The following ROCK2 variants were observed in gnomAD, a reference collection of about 807,000 sequenced individuals.
The protein encoded by ROCK2 is rho-associated protein kinase 2.
Under a neutral mutation model 195.1 loss-of-function variants are expected in ROCK2, and 61 were observed. That is an observed-to-expected ratio of 0.31 (90% CI 0.25 to 0.39). The LOEUF is 0.39. Ranked by LOEUF, ROCK2 falls within the 10% of genes least tolerant of loss-of-function variation. The probability of loss-of-function intolerance (pLI) is 1.00; values close to 1 mark genes in which losing one functional copy is unlikely to be tolerated. For synonymous variants in ROCK2, 504 were observed against 545.5 expected (o/e 0.92, Z 1.06); for missense variants, 1,109 against 1,637.4 (o/e 0.68, Z 5.57).
chr2:11,311,466 G>T (rs1320407942), intron 1 of ROCK2, among the ~76,000 whole-genome samples: 1 of 152,072 alleles, frequency 6.6e-6, no homozygotes, highest in Non-Finnish European at 1.5e-5. Context: ...AGAAGAAAAA[G>T]TCCAGGGTTT....
intron 1 of ROCK2, among the ~76,000 whole-genome samples, chr2:11,338,061 T>C (rs760251915): frequency 6.6e-6 from 1 of 152,324 alleles, no homozygotes; most frequent in East Asian, 1.9e-4. Context: ...AGAGCCAAAG[T>C]AGGCTGGGTG....
chr2:11,235,445 C>G lies in ROCK2; in HGVS notation c.723+257G>C, dbSNP rs981519922. Reference sequence around the variant, plus strand: ...GTTTTGATTGGTAGCAAATGCTTGTCAACAGTCTATGAGGAAGATAACTAA... The same window carrying G: ...GTTTTGATTGGTAGCAAATGCTTGTGAACAGTCTATGAGGAAGATAACTAA... On this transcript the variant is annotated intron_variant, in intron 5 of 32. Transcript: ENST00000315872. This position sits in a 1 kb window ranked among gnomAD's most constrained non-coding sequence, Gnocchi z 4.2. Among the ~76,000 whole-genome samples, 1 of 152,072 alleles carries G rather than the reference C, an allele frequency of 6.6e-6. No homozygotes were observed. Among genetic ancestry groups the G allele is most frequent in the Non-Finnish European group, 1.5e-5 (1 of 67,992 alleles).
chr2:11,226,913 A>G (rs1199811258), intron 6 of ROCK2, among the ~76,000 whole-genome samples: 10 of 9,094 alleles, frequency 1.1e-3, no homozygotes, highest in African/African-American at 1.4e-3. Context: ...CCTGCCTCAG[A>G]AAAAAAAAAA....
intron 1 of ROCK2, among the ~76,000 whole-genome samples, chr2:11,317,589 T>A (rs1235465328): frequency 2.3e-4 from 3 of 13,300 alleles, no homozygotes; most frequent in African/African-American, 7.3e-4. Flanking sequence ...TATATATATA[T>A]ATATATATAT....
At chr2:11,271,756 G>A (rs886525592) in intron 3 of ROCK2, among the ~76,000 whole-genome samples, 3 of 152,152 alleles carry the variant, frequency 2.0e-5, no homozygotes, top group Non-Finnish European at 2.9e-5. Context: ...GGCTGGGCGC[G>A]GTGGCTCACG....
intron 1 of ROCK2, among the ~76,000 whole-genome samples, chr2:11,312,097 T>C (rs1302767760): frequency 6.6e-6 from 1 of 152,210 alleles, no homozygotes; most frequent in Non-Finnish European, 1.5e-5. Context: ...CTCTTCTCAC[T>C]AAACTTTTTG....
intron 3 of ROCK2, among the ~76,000 whole-genome samples, chr2:11,270,959 T>C (rs539336170): frequency 6.6e-6 from 1 of 152,348 alleles, no homozygotes; most frequent in East Asian, 1.9e-4. Context: ...TCTTTAGTAA[T>C]ATAAGGTGTA....
chr2:11,238,209 A>AGTGCGTGTGTGTGTGT (rs1665285893), intron 4 of ROCK2, among the ~76,000 whole-genome samples: 1 of 135,266 alleles, frequency 7.4e-6, no homozygotes, highest in African/African-American at 2.9e-5. Context: ...ATTGAGAAAG[A>AGTGCGTGTGTGTGTGT]GTGTGTGTGT....
chr2:11,211,626 C>T (rs2148059918), intron 18 of ROCK2, 55 bp downstream of exon 18: 1 of 1,461,064 alleles, frequency 6.8e-7, no homozygotes, highest in Middle Eastern at 1.8e-4. Flanking sequence ...AAAGCTAACA[C>T]AGAATCAATT....
At chr2:11,282,854 A>C (rs1463889053) in intron 3 of ROCK2, among the ~76,000 whole-genome samples, 1 of 152,136 alleles carries the variant, frequency 6.6e-6, no homozygotes, top group Admixed American at 6.5e-5. Flanking sequence ...CACCCACCTG[A>C]CAAAGGTCTA....
intron 18 of ROCK2, among the ~76,000 whole-genome samples, chr2:11,210,852 A>T (rs1473901097): frequency 1.3e-5 from 2 of 152,198 alleles, no homozygotes; most frequent in Non-Finnish European, 2.9e-5. Context: ...ATTTCTTATC[A>T]TCCTGATTTA....
chr2:11,211,534 T>C (rs558120234), intron 18 of ROCK2, 147 bp downstream of exon 18: 15 of 675,360 alleles, frequency 2.2e-5, no homozygotes, highest in Admixed American at 1.3e-4. Flanking sequence ...AGAATATCTA[T>C]GTAAAGCTTC....
chr2:11,230,419 T>A (rs542904413), intron 5 of ROCK2, among the ~76,000 whole-genome samples: 88 of 152,320 alleles, frequency 5.8e-4, no homozygotes, highest in African/African-American at 1.8e-3. Context: ...CCAGGCAGAT[T>A]TTTAGACAGC....
chr2:11,277,544 T>C lies in ROCK2; in HGVS notation c.324+8995A>G, dbSNP rs189679799. On this transcript the variant is annotated intron_variant, in intron 3 of 32. Transcript: ENST00000315872. ...TCATTCTTATGCCTTTGCGTACTCATAGTTTGGCTCCCACATATCAGTGAG... is the reference window on the plus strand; with the variant it reads ...TCATTCTTATGCCTTTGCGTACTCACAGTTTGGCTCCCACATATCAGTGAG... 1.2e-4 allele frequency among the ~76,000 whole-genome samples: 19 copies of C among 152,318 alleles called. No individual in the cohort carries two copies. In the East Asian group the frequency reaches 2.7e-3, roughly 22 times the overall value.
intron 1 of ROCK2, among the ~76,000 whole-genome samples, chr2:11,330,753 A>AG (rs1668699666): frequency 2.0e-5 from 1 of 50,884 alleles, no homozygotes; most frequent in Non-Finnish European, 4.3e-5. Flanking sequence ...AGGAGGGAGG[A>AG]GGAGGAGGGA....
At chr2:11,206,470 C>T (rs1486400723) in intron 20 of ROCK2, among the ~76,000 whole-genome samples, 1 of 152,038 alleles carries the variant, frequency 6.6e-6, no homozygotes, top group Non-Finnish European at 1.5e-5. Flanking sequence ...AAAAAACCCA[C>T]AAAAAACACA....
chr2:11,264,577 T>C (rs1006534029), intron 3 of ROCK2, among the ~76,000 whole-genome samples: 2 of 152,160 alleles, frequency 1.3e-5, no homozygotes, highest in South Asian at 2.1e-4. Flanking sequence ...TTCATGAAGA[T>C]GTCAAATAAG....
At chr2:11,195,057 A>T (rs763071882) in intron 27 of ROCK2, 32 bp from the exon 28 acceptor site, 1 of 1,217,034 alleles carries the variant, frequency 8.2e-7, no homozygotes, top group Non-Finnish European at 1.2e-6. Context: ...GAGGCTAAAG[A>T]TAACAATTCT....
At chr2:11,242,148 G>A (rs1441499889) in intron 4 of ROCK2, among the ~76,000 whole-genome samples, 2 of 152,084 alleles carry the variant, frequency 1.3e-5, no homozygotes, top group Admixed American at 1.3e-4. Flanking sequence ...AAGCTACCTG[G>A]TTCATAGTAT....
Sources: gnomAD v4.1 joint callset for allele counts (sites outside exome capture counted in the v4.1 genomes callset) on GRCh38, gnomAD v4.1.1 for gene constraint, Gnocchi (gnomAD v3.1) non-coding constraint, MANE v1.5 for transcripts, NCBI Gene and HGNC (gene_info 2026-07-23, HGNC 2026-07-21) for gene names.